DOCK7: variants seen among roughly 807,000 people sequenced by gnomAD.
DOCK7 encodes dedicator of cytokinesis 7.
Under a neutral mutation model 271.0 loss-of-function variants are expected in DOCK7, and 138 were observed. That is an observed-to-expected ratio of 0.51 (90% confidence interval 0.44 to 0.59). The LOEUF (loss-of-function observed/expected upper bound fraction) is 0.59. Among genes scored for constraint, DOCK7 ranks in the 20% least tolerant of loss-of-function variants. The pLI is 0.00. For missense variants in DOCK7, 2,066 were observed against 2,592.4 expected, an observed-to-expected ratio of 0.80 and a Z score of 4.41; for synonymous variants, 823 against 876.1, an observed-to-expected ratio of 0.94 and a Z score of 1.07.
chr1:62,493,782 ACTGACT>A (rs916973526), intron 40 of DOCK7, among the ~76,000 whole-genome samples: 7 of 152,206 alleles, frequency 4.6e-5, no homozygotes, highest in African/African-American at 1.4e-4. Context: ...GCAAAGCATA[ACTGACT>A]CTTGGTAAGC....
In DOCK7 at chr1:62,507,970, C is replaced by T. The variant is rs756361367; in HGVS notation, c.4468G>A (p.Val1490Ile). ...NLIILDTLEI[V>I]VQTVSVTESK... is the part of the protein sequence containing the mutation. ...CTTCTTTGCATTCTTACCTGAACAA[C>T]AATCTCTAATGTATCTAAAATGATT... Residue 1490 changes from valine to isoleucine, a missense_variant, in exon 35 of 50, where the codon GTT becomes ATT. Around this residue, in one of 2 missense-constraint regions of DOCK7, gnomAD observed 652 missense variants for 922.1 expected, o/e 0.71. Transcript: ENST00000635253. 6.2e-7 allele frequency: 1 copy of T among 1,610,882 alleles called. No individual in the cohort carries two copies. The highest frequency in any genetic ancestry group is 1.3e-5 in the African/African-American group (1 of 74,784).
chr1:62,641,685 G>T, intron 7 of DOCK7: 1 of 407,810 alleles, frequency 2.5e-6, no homozygotes, highest in Non-Finnish European at 5.0e-6. Flanking sequence ...CCCGGAGATG[G>T]CCTCAGCCTC....
intron 17 of DOCK7, among the ~76,000 whole-genome samples, chr1:62,578,228 T>A (rs1646996767): frequency 6.6e-6 from 1 of 152,228 alleles, no homozygotes; most frequent in African/African-American, 2.4e-5. Context: ...GAAGAGTCTA[T>A]GAACCTATTA....
At chr1:62,467,270 T>G (rs1309481340) in intron 48 of DOCK7, among the ~76,000 whole-genome samples, 2 of 152,174 alleles carry the variant, frequency 1.3e-5, no homozygotes, top group African/African-American at 2.4e-5. Context: ...CATGAAATAG[T>G]TGTAGATATG....
rs769450611 is a variant in DOCK7, at chr1:62,633,603, A to C, written c.1036-25T>G. 4 of 1,560,772 alleles carry C rather than the reference A, an allele frequency of 2.6e-6. No individual in the cohort carries two copies. In the South Asian group the frequency reaches 4.5e-5, roughly 18 times the overall value. On this transcript the variant is annotated intron_variant, in intron 9 of 49. Coordinates refer to ENST00000635253, the MANE Select transcript of DOCK7 (RefSeq NM_001367561.1). ...GCTGTCAAAGGCAAAAAAAGTTAAG[A>C]TTAAGCTTTTAAAAGCCTGAAATTC...
In DOCK7 at chr1:62,510,546, A is replaced by G. The variant is rs779729557; in HGVS notation, c.4379+31T>C. The stretch of plus-strand genomic sequence containing the variant: ...TTACATTTTAAAATTCAACACACCC[A>G]TCAGTAACATAAAATAGAAAGCTGT... On this transcript the variant is annotated intron_variant, in intron 34 of 49. Transcript: ENST00000635253. The G allele has an allele frequency of 7.1e-6, 11 of 1,539,030 alleles. No individual in the cohort carries two copies. The East Asian group carries it at 1.4e-4, about 19-fold the overall frequency.
chr1:62,495,499 T>C, intron 39 of DOCK7, 82 bp downstream of exon 39: 1 of 783,028 alleles, frequency 1.3e-6, no homozygotes, highest in Non-Finnish European at 1.9e-6. Context: ...CATTTTTGTG[T>C]GTTTATTTTT....
intron 1 of DOCK7, among the ~76,000 whole-genome samples, chr1:62,681,979 A>T (rs773152124): frequency 6.6e-6 from 1 of 152,180 alleles, no homozygotes; most frequent in African/African-American, 2.4e-5. Flanking sequence ...CAAAAGTCAG[A>T]ATGGTGGACT....
intron 13 of DOCK7, 24 bp downstream of exon 13, chr1:62,619,876 T>C (rs1652929861): frequency 5.3e-6 from 8 of 1,510,236 alleles, no homozygotes; most frequent in Non-Finnish European, 6.4e-6. Flanking sequence ...GTTGCAACCA[T>C]TTCTACTCAA....
chr1:62,627,580 T>G (rs1183872958), intron 11 of DOCK7: 2 of 152,164 alleles, frequency 1.3e-5, no homozygotes, highest in Non-Finnish European at 2.9e-5. Flanking sequence ...GCCAATTTTA[T>G]TTCTATACAC....
intron 48 of DOCK7, among the ~76,000 whole-genome samples, chr1:62,462,089 T>G (rs1175662498): frequency 6.6e-6 from 1 of 151,062 alleles, no homozygotes; most frequent in Non-Finnish European, 1.5e-5. Context: ...AAAAAATTAA[T>G]AAAATCATAA....
At chr1:62,605,195 G>A (rs2149547104) in intron 14 of DOCK7, 1 of 198,962 alleles carries the variant, frequency 5.0e-6, no homozygotes, top group Admixed American at 5.4e-5. Context: ...TAAAAAACTA[G>A]TACTCTTGTT....
At chr1:62,481,187 G>C (rs1006191289) in intron 43 of DOCK7, among the ~76,000 whole-genome samples, 1 of 152,168 alleles carries the variant, frequency 6.6e-6, no homozygotes, top group Non-Finnish European at 1.5e-5. Flanking sequence ...AGCCTACCGA[G>C]TGTGTTTGAG....
At position 62,455,296 on chromosome 1, in the gene DOCK7, A is replaced by G. The variant is rs1645314916; in HGVS notation, c.*118T>C. ...CATTTGATATTTTCTTGGCCACTGC[A>G]TTCTTCAATGAATAATAATTTCCAG... On this transcript the variant is annotated 3_prime_UTR_variant, in exon 50 of 50. Transcript: ENST00000635253. The G allele has an allele frequency of 1.8e-6, 2 of 1,101,184 alleles. No individual in the cohort carries two copies. The highest frequency in any genetic ancestry group is 2.0e-4 in the Middle Eastern group (1 of 5,098). 68.2% of individuals were successfully genotyped at this position (1,101,184 alleles called of 1,614,324 possible).
At chr1:62,493,166 T>C (rs1041297930) in intron 40 of DOCK7, among the ~76,000 whole-genome samples, 6 of 152,174 alleles carry the variant, frequency 3.9e-5, no homozygotes, top group East Asian at 1.9e-4. Flanking sequence ...ATTTATTTAA[T>C]TGATCTTTTC....
intron 7 of DOCK7, among the ~76,000 whole-genome samples, chr1:62,645,329 A>G (rs374388668): frequency 6.6e-6 from 1 of 152,284 alleles, no homozygotes; most frequent in South Asian, 2.1e-4. Context: ...CATCAATGGA[A>G]TATCACTCAG....
rs1662113088 is a variant in DOCK7, at chr1:62,688,381, G to A, written c.-117C>T. On this transcript the variant is annotated 5_prime_UTR_variant, in exon 1 of 50. Transcript: ENST00000635253. ...CGCGGCCTCCGCCAGTCCGGGCTCC[G>A]GACCTGGGAGGCTGGGGCTGGCGGC... 5 of 575,176 alleles carry A rather than the reference G, an allele frequency of 8.7e-6. No homozygotes were observed. Among genetic ancestry groups the A allele is most frequent in the Non-Finnish European group, 1.2e-5 (5 of 411,790 alleles). The allele number at this position is 575,176 out of a possible 1,614,324, so 35.6% of individuals were successfully genotyped here.
intron 4 of DOCK7, among the ~76,000 whole-genome samples, chr1:62,653,181 T>C (rs1657585868): frequency 6.6e-6 from 1 of 152,220 alleles, no homozygotes; most frequent in South Asian, 2.1e-4. Flanking sequence ...AGTTTTATTA[T>C]ACTTCTTAAT....
intron 25 of DOCK7, among the ~76,000 whole-genome samples, chr1:62,541,041 C>T (rs916735619): frequency 1.3e-5 from 2 of 152,146 alleles, no homozygotes; most frequent in Non-Finnish European, 2.9e-5. Flanking sequence ...GAGGACCACC[C>T]TATGACATAC....
Sources: gnomAD v4.1 joint callset for allele counts (sites outside exome capture counted in the v4.1 genomes callset) on GRCh38, gnomAD v4.1.1 for gene constraint, gnomAD v4.1.1 regional missense constraint, MANE v1.5 for transcripts, NCBI Gene and HGNC (gene_info 2026-07-23, HGNC 2026-07-21) for gene names.